TTLL5: variants seen among roughly 807,000 people sequenced by gnomAD.
TTLL5 encodes the protein tubulin polyglutamylase TTLL5.
A neutral mutation model predicts 168.4 loss-of-function variants in TTLL5; 132 were observed. The observed-to-expected ratio is 0.78, with a 90% CI of 0.68 to 0.91. TTLL5 has a LOEUF of 0.91. Ranked by LOEUF, TTLL5 falls within the 40% of genes least tolerant of loss-of-function variation. The pLI is 0.00. For synonymous variants in TTLL5, 546 were observed against 558.6 expected (o/e 0.98, Z 0.32); for missense variants, 1,545 against 1,581.5 (o/e 0.98, Z 0.39).
chr14:75,665,680 G>A (rs993967067), intron 2 of TTLL5, among the ~76,000 whole-genome samples: 2 of 152,140 alleles, frequency 1.3e-5, no homozygotes, highest in African/African-American at 4.8e-5. Flanking sequence ...CCAATATGGT[G>A]AAACCCTGTC....
chr14:75,697,548 A>T (rs1885960037), intron 6 of TTLL5, among the ~76,000 whole-genome samples: 1 of 152,162 alleles, frequency 6.6e-6, no homozygotes, highest in African/African-American at 2.4e-5. Flanking sequence ...GACAAAGTCA[A>T]GTTTGTGTGG....
At chr14:75,709,354 C>G (rs1335767154) in intron 9 of TTLL5, 3 of 602,812 alleles carry the variant, frequency 5.0e-6, no homozygotes, top group Non-Finnish European at 6.0e-6. Context: ...TCAGTGAGAG[C>G]AGACTAACCA....
rs534953476 is a variant in TTLL5, at chr14:75,819,104, C to T, written c.3172-903C>T. 1.1e-4 allele frequency among the ~76,000 whole-genome samples: 17 copies of T among 152,010 alleles called. No homozygotes were observed. The South Asian group carries it at 2.1e-3, about 19-fold the overall frequency. ...TGTGGCAATTTAAATGAGATGTGTGCGACGTACTCATTTACACATAGCTTG... is the reference window on the plus strand; with the variant it reads ...TGTGGCAATTTAAATGAGATGTGTGTGACGTACTCATTTACACATAGCTTG... On this transcript the variant is annotated intron_variant, in intron 27 of 31. Transcript: ENST00000298832.
chr14:75,919,143 G>A (rs1345455189), intron 31 of TTLL5, among the ~76,000 whole-genome samples: 1 of 130,858 alleles, frequency 7.6e-6, no homozygotes, highest in Non-Finnish European at 1.5e-5. Context: ...AGAGGTTGCA[G>A]TGAGCTGAGA....
chr14:75,882,849 C>G lies in TTLL5; in HGVS notation c.3687C>G (p.Pro1229=). The G allele has an allele frequency of 1.2e-6, 2 of 1,614,134 alleles. No homozygotes were observed. Among genetic ancestry groups the G allele is most frequent in the South Asian group, 1.1e-5 (1 of 91,072 alleles). Residue 1229 remains proline, a synonymous_variant, in exon 30 of 32, where the codon CCC becomes CCG. Coordinates refer to ENST00000298832, the MANE Select transcript of TTLL5 (RefSeq NM_015072.5). ...CTTGCGCCTCCCTGGTTCCCAAACC[C>G]CCACCCAACCACGAACAAGTGCTCA... ...PSSCASLVPK[P]PPNHEQVLRR...
chr14:75,827,174 TC>T (rs1248371586), intron 28 of TTLL5, among the ~76,000 whole-genome samples: 2 of 152,202 alleles, frequency 1.3e-5, no homozygotes, highest in African/African-American at 2.4e-5. Flanking sequence ...AAGTCTTAGT[TC>T]CCTTTTTTTG....
chr14:75,714,594 A>T (rs1171023985), intron 9 of TTLL5, among the ~76,000 whole-genome samples: 1 of 152,180 alleles, frequency 6.6e-6, no homozygotes, highest in East Asian at 1.9e-4. Context: ...TTAATGGGTT[A>T]TAATTCTTTA....
At chr14:75,809,307 T>C (rs529159423) in intron 27 of TTLL5, among the ~76,000 whole-genome samples, 35 of 152,352 alleles carry the variant, frequency 2.3e-4, no homozygotes, top group Non-Finnish European at 4.7e-4. Context: ...TTAGGTAGCA[T>C]ATAACCATTA....
chr14:75,863,636 C>T, intron 28 of TTLL5, 31 bp from the exon 29 acceptor site: 1 of 1,571,146 alleles, frequency 6.4e-7, no homozygotes, highest in Non-Finnish European at 8.6e-7. Context: ...CAGCCACTCA[C>T]TCTAAGAAAC....
At chr14:75,857,691 G>A (rs998460512) in intron 28 of TTLL5, among the ~76,000 whole-genome samples, 2 of 147,162 alleles carry the variant, frequency 1.4e-5, no homozygotes, top group African/African-American at 2.5e-5. Flanking sequence ...TCACTCTGTC[G>A]CCCAGGCTGG....
chr14:75,748,781 C>G (rs1249083445), intron 17 of TTLL5, among the ~76,000 whole-genome samples: 1 of 152,162 alleles, frequency 6.6e-6, no homozygotes, highest in South Asian at 2.1e-4. Context: ...TGTCAGACTT[C>G]TTAATTTTTG....
intron 31 of TTLL5, among the ~76,000 whole-genome samples, chr14:75,926,065 G>A (rs1390788145): frequency 6.7e-6 from 1 of 149,814 alleles, no homozygotes; most frequent in Non-Finnish European, 1.5e-5. Context: ...GGAGACCGTG[G>A]GCCGTGGGCC....
chr14:75,717,472 T>C (rs2140196768), intron 9 of TTLL5, among the ~76,000 whole-genome samples: 1 of 152,302 alleles, frequency 6.6e-6, no homozygotes, highest in African/African-American at 2.4e-5. Flanking sequence ...ACACACAATT[T>C]CCCAGGTTGT....
chr14:75,835,835 C>T (rs1024764334), intron 28 of TTLL5, among the ~76,000 whole-genome samples: 4 of 152,122 alleles, frequency 2.6e-5, no homozygotes, highest in African/African-American at 9.7e-5. Flanking sequence ...CAAATCAAAA[C>T]TTCAGTGAGA....
At chr14:75,686,757 A>T (rs1256519431) in intron 5 of TTLL5, among the ~76,000 whole-genome samples, 1 of 152,172 alleles carries the variant, frequency 6.6e-6, no homozygotes, top group Non-Finnish European at 1.5e-5. Context: ...ACATCTGTAG[A>T]TACCTGTGGT....
intron 15 of TTLL5, among the ~76,000 whole-genome samples, chr14:75,742,475 A>C (rs1889334967): frequency 6.6e-6 from 1 of 152,156 alleles, no homozygotes; most frequent in African/African-American, 2.4e-5. Context: ...GGCTCAGTGC[A>C]ACTTCCGCTT....
intron 31 of TTLL5, among the ~76,000 whole-genome samples, chr14:75,935,421 A>G (rs1221548057): frequency 6.6e-6 from 1 of 152,166 alleles, no homozygotes; most frequent in African/African-American, 2.4e-5. Flanking sequence ...GTGAGCCTTT[A>G]AGAGAGGAAG....
intron 31 of TTLL5, among the ~76,000 whole-genome samples, chr14:75,927,493 A>G (rs2140157967): frequency 1.3e-5 from 2 of 152,154 alleles, no homozygotes; most frequent in Middle Eastern, 3.4e-3. Flanking sequence ...AAGTAAGAGG[A>G]AAAAAAAGCC....
chr14:75,746,803 A>C (rs1192041934), intron 17 of TTLL5, among the ~76,000 whole-genome samples: 1 of 151,998 alleles, frequency 6.6e-6, no homozygotes, highest in Non-Finnish European at 1.5e-5. Flanking sequence ...GGCTCAAGTG[A>C]TCCATCTGCC....
Sources: gnomAD v4.1 joint callset for allele counts (sites outside exome capture counted in the v4.1 genomes callset) on GRCh38, gnomAD v4.1.1 for gene constraint, MANE v1.5 for transcripts, NCBI Gene and HGNC (gene_info 2026-07-23, HGNC 2026-07-21) for gene names.